INPP5K: variants seen among roughly 807,000 people sequenced by gnomAD.
INPP5K encodes the protein inositol polyphosphate 5-phosphatase K.
INPP5K carries 35 observed loss-of-function variants against 53.5 expected under a neutral mutation model. That is an observed-to-expected ratio of 0.65 (90% CI 0.50 to 0.87). The LOEUF is 0.87. Among genes scored for constraint, INPP5K ranks in the 40% least tolerant of loss-of-function variants. The pLI is 0.00. For synonymous variants in INPP5K, 253 were observed against 232.8 expected (o/e 1.09, Z -0.79); for missense variants, 550 against 586.2 (o/e 0.94, Z 0.64).
Position 1,513,913 on chromosome 17 carries a change from C to G in INPP5K, c.111G>C (p.Gln37His). The change falls in exon 2 of 12, where the codon CAG becomes CAC. Residue 37 changes from glutamine (Q) to histidine (H), a missense_variant. Transcript: ENST00000421807. ...APPLDLSDLL[Q>H]LNNRNLNLDI... ...CAAGATTGAGGTTCCGGTTGTTCAG[C>G]TGAAGCAGGTCACTGAGATCTAGAG... The G allele has an allele frequency of 6.2e-7, 1 of 1,613,636 alleles. No homozygotes were observed.
At chr17:1,503,832 A>C (rs1452779442) in intron 7 of INPP5K, among the ~76,000 whole-genome samples, 1 of 152,062 alleles carries the variant, frequency 6.6e-6, no homozygotes, top group African/African-American at 2.4e-5. Context: ...TGCCCTCCCT[A>C]TAAGGGAGCT....
chr17:1,497,756 CAG>C lies in INPP5K; in HGVS notation c.963+178_963+179del, dbSNP rs2074894268. 17 of 593,328 alleles carry C rather than the reference CAG, an allele frequency of 2.9e-5. No homozygotes were observed. In the East Asian group the frequency reaches 4.3e-4, roughly 15 times the overall value. The allele number at this position is 593,328 out of a possible 1,614,324, so 36.8% of individuals were successfully genotyped here. A position where few individuals can be genotyped will look rare whatever the true frequency, so the allele number is the denominator to read the frequency against. On this transcript the variant is annotated intron_variant, in intron 8 of 11. Coordinates refer to ENST00000421807, the MANE Select transcript of INPP5K (RefSeq NM_016532.4). ...AGGGTTTGAACACGGTTTTGACAGA[CAG>C]AGCCATCAACGGCTCCTAAGAGGAG...
intron 7 of INPP5K, among the ~76,000 whole-genome samples, chr17:1,503,134 T>G (rs2075068571): frequency 6.6e-6 from 1 of 151,644 alleles, no homozygotes. Flanking sequence ...GATCATCCTG[T>G]CTCTGCCTCC....
rs1430897794 is a variant in INPP5K at position 1,496,814 on chromosome 17, GGGT to G, written c.964-14_964-12del. Reference sequence around the variant, plus strand: ...CACCAATGGCTTCAGCTAGACACGGGGGTGGGAAGGGGGCTGAATCTCGCAGCA... The same window carrying G: ...CACCAATGGCTTCAGCTAGACACGGGGGGAAGGGGGCTGAATCTCGCAGCA... On this transcript the variant is annotated splice_polypyrimidine_tract_variant and intron_variant, in intron 8 of 11. Coordinates refer to ENST00000421807, the MANE Select transcript of INPP5K (RefSeq NM_016532.4). 1.2e-6 allele frequency: 2 copies of G among 1,613,288 alleles called. No individual in the cohort carries two copies. The highest frequency in any genetic ancestry group is 4.5e-5 in the East Asian group (2 of 44,862).
chr17:1,515,211 G>A (rs111460873), intron 1 of INPP5K, among the ~76,000 whole-genome samples: 1,878 of 152,194 alleles, frequency 0.012, 31 homozygotes, highest in African/African-American at 0.042. Flanking sequence ...GCCCGGCCAA[G>A]GAGTTTTTAA....
chr17:1,498,115 T>A lies in INPP5K; in HGVS notation c.784A>T (p.Lys262Ter). 1 of 1,600,240 alleles carries A rather than the reference T, an allele frequency of 6.2e-7. No individual in the cohort carries two copies. Among genetic ancestry groups the A allele is most frequent in the Non-Finnish European group, 8.5e-7 (1 of 1,169,924 alleles). Residue 262 changes from lysine to a stop codon, truncating the protein, a stop_gained, in exon 8 of 12, where the codon AAA becomes TAA. Transcript: ENST00000421807. LOFTEE classifies it high-confidence loss of function. ...NSNDYDTSEK[K>*]RKPAWTDRIL... ...CGATCGGTCCATGCAGGCTTGCGTT[T>A]TTTCTCACTGCAGGGGCAGGGGGCA...
intron 7 of INPP5K, among the ~76,000 whole-genome samples, chr17:1,506,250 C>T (rs2075151881): frequency 6.6e-6 from 1 of 152,132 alleles, no homozygotes; most frequent in Non-Finnish European, 1.5e-5. Context: ...TCTCAAACTC[C>T]TGACCTTCAG....
chr17:1,504,215 G>C (rs1370200919), intron 7 of INPP5K, among the ~76,000 whole-genome samples: 3 of 152,208 alleles, frequency 2.0e-5, no homozygotes, highest in African/African-American at 7.2e-5. Flanking sequence ...GGCAATCACA[G>C]TACAGTAAGA....
chr17:1,509,707 G>A lies in INPP5K; in HGVS notation c.354C>T (p.Thr118=). 6.2e-7 allele frequency: 1 copy of A among 1,611,004 alleles called. No individual in the cohort carries two copies. Among genetic ancestry groups the A allele is most frequent in the Non-Finnish European group, 8.5e-7 (1 of 1,177,260 alleles). The change falls in exon 4 of 12, where the codon ACC becomes ACT. Residue 118 remains threonine, a synonymous_variant. Coordinates refer to ENST00000421807, the MANE Select transcript of INPP5K (RefSeq NM_016532.4). ...PYIQILSTKS[T]PTGLFGYWGN... ...CCCAGTACCCAAACAGGCCAGTGGG[G>A]GTGGATTTAGTAGACAGAATCTGGA...
At chr17:1,511,526 G>A (rs577173978) in intron 3 of INPP5K, among the ~76,000 whole-genome samples, 19 of 152,280 alleles carry the variant, frequency 1.2e-4, no homozygotes, top group Non-Finnish European at 2.4e-4. Flanking sequence ...TGCAGGCCAC[G>A]AGCCCTGGCA....
chr17:1,515,866 A>G, intron 1 of INPP5K: 3 of 966,416 alleles, frequency 3.1e-6, no homozygotes, highest in Non-Finnish European at 3.7e-6. Context: ...TTTTACTCAG[A>G]GACTTCTTTT....
At chr17:1,515,900 G>A in intron 1 of INPP5K, 1 of 986,472 alleles carries the variant, frequency 1.0e-6, no homozygotes, top group Non-Finnish European at 1.2e-6. Context: ...TAAGAGGATG[G>A]AGAGCAAAAG....
At chr17:1,513,404 T>G in intron 3 of INPP5K, 49 bp downstream of exon 3, 5 of 1,360,356 alleles carry the variant, frequency 3.7e-6, no homozygotes, top group Non-Finnish European at 5.3e-6. Flanking sequence ...CAGGGGTCAG[T>G]GGAGATGTGA....
Position 1,507,054 on chromosome 17 carries a change from C to A in INPP5K, c.702G>T (p.Arg234=), listed in dbSNP as rs779320132. Residue 234 remains arginine (R), a synonymous_variant, in exon 7 of 12, where the codon CGG becomes CGT. Coordinates refer to ENST00000421807, the MANE Select transcript of INPP5K (RefSeq NM_016532.4). ...SIAKKHDPLL[R]EFQEGRLLFP... ...AGAGTAGGCGGCCCTCCTGGAACTC[C>A]CGGAGCAGCGGGTCATGTTTCTTGG... 4 of 1,614,010 alleles carry A rather than the reference C, an allele frequency of 2.5e-6. No individual in the cohort carries two copies. The highest frequency in any genetic ancestry group is 3.4e-6 in the Non-Finnish European group (4 of 1,179,982).
At position 1,499,364 on chromosome 17, in the gene INPP5K, G is replaced by A. The variant is rs192662871; in HGVS notation, c.777-1242C>T. ...AAACATTAGCCAGGCATGGTGGCAG[G>A]TGCCTGTAATCCCAGCTACTCGGGA... is the stretch of plus-strand genomic sequence containing the variant. On this transcript the variant is annotated intron_variant, in intron 7 of 11. Transcript: ENST00000421807. Among the ~76,000 whole-genome samples, 8 of 152,244 alleles carry A rather than the reference G, an allele frequency of 5.3e-5. No individual in the cohort carries two copies. The East Asian group carries it at 1.4e-3, about 26-fold the overall frequency.
rs936912536 is a variant in INPP5K, at chr17:1,496,545, A to G, written c.1101+121T>C. ...CCCTTCACTGCCAGCCTTTAGCTAC[A>G]GAAGAACCGCTGGGGTGGATGAGGG... On this transcript the variant is annotated intron_variant, in intron 9 of 11. Transcript: ENST00000421807. 4.9e-6 allele frequency: 7 copies of G among 1,429,008 alleles called. No homozygotes were observed. The South Asian group carries it at 6.1e-5, about 12-fold the overall frequency. 88.5% of individuals were successfully genotyped at this position (1,429,008 alleles called of 1,614,324 possible).
chr17:1,509,399 A>G (rs1003325146), intron 4 of INPP5K, 46 bp from the exon 5 acceptor site: 1 of 1,561,584 alleles, frequency 6.4e-7, no homozygotes, highest in Admixed American at 1.7e-5. Context: ...CTCGGGTTGG[A>G]CACACCCCTC....
chr17:1,503,430 C>T (rs1306638538), intron 7 of INPP5K, among the ~76,000 whole-genome samples: 1 of 152,114 alleles, frequency 6.6e-6, no homozygotes, highest in African/African-American at 2.4e-5. Context: ...GTGATCCACC[C>T]GCCTGGCCTC....
chr17:1,513,563 T>G lies in INPP5K; in HGVS notation c.153-2A>C. On this transcript the variant is annotated splice_acceptor_variant, in intron 2 of 11. Transcript: ENST00000421807. LOFTEE classifies it high-confidence loss of function. ...ATCCCAGAGTTCAATTCCTGCAAACTGACCATGCCAGCTCAGAGGCTTGGC... is the reference window on the plus strand; with the variant it reads ...ATCCCAGAGTTCAATTCCTGCAAACGGACCATGCCAGCTCAGAGGCTTGGC... 6.2e-7 allele frequency: 1 copy of G among 1,613,624 alleles called. No individual in the cohort carries two copies. The highest frequency in any genetic ancestry group is 8.5e-7 in the Non-Finnish European group (1 of 1,179,472).
Sources: gnomAD v4.1 joint callset for allele counts (sites outside exome capture counted in the v4.1 genomes callset) on GRCh38, gnomAD v4.1.1 for gene constraint, MANE v1.5 for transcripts, NCBI Gene and HGNC (gene_info 2026-07-23, HGNC 2026-07-21) for gene names.